The following IL1A variants were observed in gnomAD, a reference collection of about 807,000 sequenced individuals.
IL1A encodes the protein interleukin 1 alpha.
In IL1A, 16 loss-of-function variants were observed where a neutral mutation model predicts 22.2. The observed-to-expected ratio is 0.72, with a 90% CI of 0.49 to 1.09. IL1A has a LOEUF of 1.09. Among genes scored for constraint, IL1A ranks in the 50% least tolerant of loss-of-function variants. The probability of loss-of-function intolerance (pLI) is 0.00; values close to 1 mark genes in which losing one functional copy is unlikely to be tolerated. For synonymous variants in IL1A, 113 were observed against 118.5 expected, an observed-to-expected ratio of 0.95 and a Z score of 0.30; for missense variants, 317 against 321.8, an observed-to-expected ratio of 0.99 and a Z score of 0.11.
chr2:112,782,858 C>A, intron 2 of IL1A, 94 bp from the exon 3 acceptor site: 1 of 848,092 alleles, frequency 1.2e-6, no homozygotes, highest in Non-Finnish European at 2.0e-6. Flanking sequence ...GTGGGTCACA[C>A]ACATACACAT....
chr2:112,777,767 AAAAG>A lies in IL1A; in HGVS notation c.615+216_615+219del, dbSNP rs1287532438. 3.7e-4 allele frequency among the ~76,000 whole-genome samples: 56 copies of A among 152,218 alleles called. 1 individual carries two copies. Among genetic ancestry groups the A allele is most frequent in the African/African-American group, 1.2e-3 (49 of 41,454 alleles). On this transcript the variant is annotated intron_variant, in intron 6 of 6. Transcript: ENST00000263339. The stretch of plus-strand genomic sequence containing the variant: ...TGAATAAGGTCAGGCAGGGAAAGGA[AAAAG>A]AAAGAAGGTAATTTTCCTCTTACTC...
chr2:112,784,196 A>G (rs1258035375), intron 1 of IL1A, among the ~76,000 whole-genome samples: 2 of 152,242 alleles, frequency 1.3e-5, no homozygotes, highest in Non-Finnish European at 2.9e-5. Flanking sequence ...CCTCAGTTGT[A>G]TTCACCCATG....
In IL1A at chr2:112,779,549, C is replaced by G; in HGVS notation, c.437G>C (p.Arg146Pro). The change falls in exon 5 of 7, where the codon CGA becomes CCA. Residue 146 changes from arginine to proline, a missense_variant. By Grantham distance (103) the Arg-to-Pro change is moderately radical. Coordinates refer to ENST00000263339, the MANE Select transcript of IL1A (RefSeq NM_000575.5). ...AGCCGTGAGGTACTGATCATTGGCT[C>G]GAATTATACTTTGATTGAGGGCGTC... Reference protein sequence around the residue: ...LNDALNQSIIRANDQYLTAAA... With the variant: ...LNDALNQSIIPANDQYLTAAA... The G allele has an allele frequency of 6.2e-7, 1 of 1,608,438 alleles. No homozygotes were observed. Among genetic ancestry groups the G allele is most frequent in the African/African-American group, 1.3e-5 (1 of 74,900 alleles).
Position 112,774,897 on chromosome 2 carries a change from T to C in IL1A, c.*170A>G, listed in dbSNP as rs1681073550. 1 of 591,836 alleles carries C rather than the reference T, an allele frequency of 1.7e-6. No individual in the cohort carries two copies. The highest frequency in any genetic ancestry group is 3.0e-6 in the Non-Finnish European group (1 of 331,054). 36.7% of individuals were successfully genotyped at this position (591,836 alleles called of 1,614,324 possible). ...TAGGGTGTTCTTTAAATAACAACAT[T>C]ATATGTTAGTGTTGGTTCCACTCTT... On this transcript the variant is annotated 3_prime_UTR_variant, in exon 7 of 7. Coordinates refer to ENST00000263339, the MANE Select transcript of IL1A (RefSeq NM_000575.5).
Position 112,781,728 on chromosome 2 carries a change from A to G in IL1A, c.195T>C (p.Leu65=), listed in dbSNP as rs1681206835. 2 of 1,614,012 alleles carry G rather than the reference A, an allele frequency of 1.2e-6. No individual in the cohort carries two copies. Among genetic ancestry groups the G allele is most frequent in the Non-Finnish European group, 1.7e-6 (2 of 1,179,878 alleles). Residue 65 remains leucine, a synonymous_variant, in exon 4 of 7, where the codon CTT becomes CTC. Coordinates refer to ENST00000263339, the MANE Select transcript of IL1A (RefSeq NM_000575.5). Reference sequence around the variant, plus strand: ...CTACCACCATGCTCTCCTTGAAGGTAAGCTTGGATGTTTTAGAGGTTTCAG... The same window carrying G: ...CTACCACCATGCTCTCCTTGAAGGTGAGCTTGGATGTTTTAGAGGTTTCAG... ...SISETSKTSK[L]TFKESMVVVA... is the part of the protein sequence containing the mutation.
At chr2:112,775,306 T>C in intron 6 of IL1A, 39 bp from the exon 7 acceptor site, 1 of 1,557,750 alleles carries the variant, frequency 6.4e-7, no homozygotes, top group Non-Finnish European at 8.9e-7. Flanking sequence ...GAGAACAAGA[T>C]GGTAGAAAAA....
intron 5 of IL1A, among the ~76,000 whole-genome samples, chr2:112,778,776 A>G (rs1382706692): frequency 6.6e-6 from 1 of 152,248 alleles, no homozygotes; most frequent in Non-Finnish European, 1.5e-5. Flanking sequence ...TATTGGGAAA[A>G]TTGCAGAAAT....
intron 6 of IL1A, 113 bp downstream of exon 6, chr2:112,777,874 T>G: frequency 9.2e-7 from 1 of 1,083,660 alleles, no homozygotes; most frequent in Non-Finnish European, 1.4e-6. Context: ...GTGGGGGCTG[T>G]GGTAGGAAGG....
Position 112,781,813 on chromosome 2 carries a change from T to A in IL1A, c.110A>T (p.His37Leu). The change falls in exon 4 of 7, where the codon CAT becomes CTT. Residue 37 changes from histidine (H) to leucine (L), a missense_variant. Transcript: ENST00000263339. ...HLSLNQKSFYHVSYGPLHEGC... is the reference protein window; with the variant it reads ...HLSLNQKSFYLVSYGPLHEGC... ...TTCATGGAGTGGGCCATAGCTTACA[T>A]GATAGAAGGATTTCTGTGAGGAAGG... 6.2e-7 allele frequency: 1 copy of A among 1,613,030 alleles called. No homozygotes were observed. The highest frequency in any genetic ancestry group is 8.5e-7 in the Non-Finnish European group (1 of 1,179,012).
intron 4 of IL1A, among the ~76,000 whole-genome samples, chr2:112,780,584 C>T (rs1681179405): frequency 6.6e-6 from 1 of 152,196 alleles, no homozygotes; most frequent in Admixed American, 6.5e-5. Flanking sequence ...CTCCCACTTA[C>T]AGATGTATGC....
At chr2:112,783,291 C>G (rs1269615723) in intron 2 of IL1A, among the ~76,000 whole-genome samples, 2 of 152,102 alleles carry the variant, frequency 1.3e-5, no homozygotes, top group Admixed American at 6.5e-5. Context: ...GTTCATTTAC[C>G]TTTCTTCTAC....
Position 112,779,526 on chromosome 2 carries a change from C to T in IL1A, c.460G>A (p.Ala154Thr), listed in dbSNP as rs770329499. The stretch of plus-strand genomic sequence containing the variant: ...TCATCCAGATTATGTAATGCAGCAG[C>T]CGTGAGGTACTGATCATTGGCTCGA... Reference protein sequence around the residue: ...IIRANDQYLTAAALHNLDEAV... With the variant: ...IIRANDQYLTTAALHNLDEAV... Residue 154 changes from alanine (A) to threonine (T), a missense_variant, in exon 5 of 7, where the codon GCT (alanine) becomes ACT (threonine). Transcript: ENST00000263339. 6.2e-7 allele frequency: 1 copy of T among 1,600,018 alleles called. No individual in the cohort carries two copies. Among genetic ancestry groups the T allele is most frequent in the Admixed American group, 1.7e-5 (1 of 59,818 alleles).
rs145006516 is a variant in IL1A, at chr2:112,781,276, A to T, written c.319+328T>A. On this transcript the variant is annotated intron_variant, in intron 4 of 6. Transcript: ENST00000263339. The stretch of plus-strand genomic sequence containing the variant: ...AAACTGAATCACGAAAAGATTATGT[A>T]ACATGACCAAGGAGGCATAGTTAGT... 7.0e-4 allele frequency among the ~76,000 whole-genome samples: 107 copies of T among 152,278 alleles called. 1 individual carries two copies. In the East Asian group the frequency reaches 0.021, roughly 29 times the overall value.
intron 6 of IL1A, 61 bp from the exon 7 acceptor site, chr2:112,775,328 C>T: frequency 7.3e-7 from 1 of 1,372,878 alleles, no homozygotes; most frequent in Non-Finnish European, 1.0e-6. Flanking sequence ...GACTGAAGCT[C>T]AATCCCTTAG....
chr2:112,774,932 G>T lies in IL1A; in HGVS notation c.*135C>A. 1 of 663,736 alleles carries T rather than the reference G, an allele frequency of 1.5e-6. No homozygotes were observed. Among genetic ancestry groups the T allele is most frequent in the Non-Finnish European group, 2.6e-6 (1 of 378,330 alleles). 41.1% of individuals were successfully genotyped at this position (663,736 alleles called of 1,614,324 possible). A position where few individuals can be genotyped will look rare whatever the true frequency, so the allele number is the denominator to read the frequency against. On this transcript the variant is annotated 3_prime_UTR_variant, in exon 7 of 7. Coordinates refer to ENST00000263339, the MANE Select transcript of IL1A (RefSeq NM_000575.5). ...TGTTGGTTCCACTCTTACAAAGAGT[G>T]TAAACATTCATTTAGAATTACAAGG... is the stretch of plus-strand genomic sequence containing the variant.
intron 4 of IL1A, among the ~76,000 whole-genome samples, chr2:112,781,185 G>GCTC (rs1182687662): frequency 1.3e-5 from 2 of 152,114 alleles, no homozygotes; most frequent in Non-Finnish European, 2.9e-5. Flanking sequence ...TAAAGCCTGA[G>GCTC]ACTCTTAATC....
intron 4 of IL1A, among the ~76,000 whole-genome samples, chr2:112,780,986 C>T (rs1681188000): frequency 6.6e-6 from 1 of 151,718 alleles, no homozygotes; most frequent in Admixed American, 6.6e-5. Flanking sequence ...CGCCACTGCA[C>T]TCCAGCCTGG....
At chr2:112,780,535 A>AT (rs951169948) in intron 4 of IL1A, among the ~76,000 whole-genome samples, 3 of 152,178 alleles carry the variant, frequency 2.0e-5, no homozygotes, top group South Asian at 2.1e-4. Flanking sequence ...AGAAACCATG[A>AT]TTTTTTTACT....
chr2:112,783,810 C>T (rs1285976553), intron 1 of IL1A, 32 bp from the exon 2 acceptor site: 3 of 1,598,278 alleles, frequency 1.9e-6, no homozygotes, highest in Non-Finnish European at 2.6e-6. Flanking sequence ...ACCATCAGCT[C>T]AGCCAGCCTC....
Sources: allele counts gnomAD v4.1 joint callset (sites outside exome capture counted in the v4.1 genomes callset), GRCh38; gene constraint gnomAD v4.1.1; transcripts MANE v1.5; gene names NCBI Gene and HGNC (gene_info 2026-07-23, HGNC 2026-07-21).